THSD7A: variants seen among roughly 807,000 people sequenced by gnomAD.
The protein encoded by THSD7A is thrombospondin type 1 domain containing 7A.
In THSD7A, 96 loss-of-function variants were observed where a neutral mutation model predicts 231.3. The ratio of observed to expected loss-of-function variants is 0.41; its 90% CI spans 0.35 to 0.49. The LOEUF (loss-of-function observed/expected upper bound fraction) is 0.49. THSD7A is among the 20% of genes least tolerant of loss of function. THSD7A has a pLI of 0.05. For synonymous variants in THSD7A, 940 were observed against 743.3 expected (o/e 1.26, Z -4.30); for missense variants, 2,290 against 2,070.2 (o/e 1.11, Z -2.06).
At position 11,814,454 on chromosome 7, in the gene THSD7A, G is replaced by A. The variant is rs1232474901; in HGVS notation, c.190+17303C>T. 6.6e-6 allele frequency among the ~76,000 whole-genome samples: 1 copy of A among 152,090 alleles called. No individual in the cohort carries two copies. Among genetic ancestry groups the A allele is most frequent in the Non-Finnish European group, 1.5e-5 (1 of 68,022 alleles). On this transcript the variant is annotated intron_variant, in intron 1 of 27. Coordinates refer to ENST00000423059, the MANE Select transcript of THSD7A (RefSeq NM_015204.3). This position sits in a 1 kb window ranked among gnomAD's most constrained non-coding sequence, Gnocchi z 5.1. ...CAAAATAATTTAGCTTTTAGACGATGCTATCAGGGTAGAAAATTACCTCAA... is the reference window on the plus strand; with the variant it reads ...CAAAATAATTTAGCTTTTAGACGATACTATCAGGGTAGAAAATTACCTCAA...
intron 1 of THSD7A, among the ~76,000 whole-genome samples, chr7:11,772,425 A>C (rs1783263355): frequency 6.6e-6 from 1 of 152,182 alleles, no homozygotes; most frequent in Non-Finnish European, 1.5e-5. Flanking sequence ...ATGCACCCAT[A>C]TGTTCATCAC....
At chr7:11,508,180 C>T (rs113144705) in intron 6 of THSD7A, among the ~76,000 whole-genome samples, 1 of 152,234 alleles carries the variant, frequency 6.6e-6, no homozygotes, top group Non-Finnish European at 1.5e-5. Flanking sequence ...CTGGAGATTA[C>T]AATTTGGATT....
chr7:11,560,578 A>G (rs1485958747), intron 4 of THSD7A, among the ~76,000 whole-genome samples: 1 of 152,160 alleles, frequency 6.6e-6, no homozygotes, highest in Non-Finnish European at 1.5e-5. Context: ...TTCGCCTTCC[A>G]GATAAGGTTT....
chr7:11,589,571 C>A (rs1780071297), intron 4 of THSD7A, among the ~76,000 whole-genome samples: 1 of 152,170 alleles, frequency 6.6e-6, no homozygotes, highest in Non-Finnish European at 1.5e-5. Flanking sequence ...CTCCTGATGA[C>A]TTTGAGGACT....
chr7:11,385,577 T>C (rs1402525871), intron 23 of THSD7A: 2 of 151,838 alleles, frequency 1.3e-5, no homozygotes, highest in East Asian at 3.8e-4. Flanking sequence ...CATTAAGAGA[T>C]TTTATTAATA....
chr7:11,769,145 A>ATTTTTTTT (rs1333399771), intron 1 of THSD7A, among the ~76,000 whole-genome samples: 3 of 35,998 alleles, frequency 8.3e-5, no homozygotes, highest in African/African-American at 2.6e-4. Context: ...ATATATATAT[A>ATTTTTTTT]TATATATATT....
In THSD7A at chr7:11,543,089, G is replaced by A; in HGVS notation, c.1482C>T (p.Cys494=). 1 of 1,612,562 alleles carries A rather than the reference G, an allele frequency of 6.2e-7. No individual in the cohort carries two copies. ...EASKPMDLKL[C]TGPIPNTTQL... is the part of the protein sequence containing the mutation. ...GTGTAGTATTAGGGATAGGTCCAGT[G>A]CATAATTTTAAGTCCATTGGCTTTG... is the stretch of plus-strand genomic sequence containing the variant. The change falls in exon 5 of 28, where the codon TGC becomes TGT. Residue 494 remains cysteine (C), a synonymous_variant. Coordinates refer to ENST00000423059, the MANE Select transcript of THSD7A (RefSeq NM_015204.3).
chr7:11,548,131 AAG>A (rs2128325126), intron 4 of THSD7A, among the ~76,000 whole-genome samples: 1 of 152,280 alleles, frequency 6.6e-6, no homozygotes, highest in Admixed American at 6.5e-5. Flanking sequence ...ATAAAGAAAA[AAG>A]AGAGAAGATC....
chr7:11,744,029 C>T (rs767898185), intron 1 of THSD7A, among the ~76,000 whole-genome samples: 1 of 151,878 alleles, frequency 6.6e-6, no homozygotes, highest in African/African-American at 2.4e-5. Context: ...CTTCTGATGC[C>T]ATATAGCAAT....
chr7:11,769,853 A>G (rs766490365), intron 1 of THSD7A, among the ~76,000 whole-genome samples: 11 of 152,182 alleles, frequency 7.2e-5, no homozygotes, highest in Non-Finnish European at 1.2e-4. Context: ...ATTACTTGCA[A>G]TATCTATAGC....
chr7:11,605,010 G>A (rs1780686770), intron 2 of THSD7A, among the ~76,000 whole-genome samples: 1 of 151,804 alleles, frequency 6.6e-6, no homozygotes, highest in Non-Finnish European at 1.5e-5. Context: ...GACCTCGGTG[G>A]GACCATGAGG....
At chr7:11,599,920 A>T (rs1319533559) in intron 2 of THSD7A, among the ~76,000 whole-genome samples, 1 of 152,094 alleles carries the variant, frequency 6.6e-6, no homozygotes, top group African/African-American at 2.4e-5. Flanking sequence ...AATATAAAGC[A>T]GTCAGAAAAA....
intron 1 of THSD7A, among the ~76,000 whole-genome samples, chr7:11,815,828 C>T (rs752526650): frequency 2.9e-4 from 44 of 152,200 alleles, no homozygotes; most frequent in Non-Finnish European, 4.6e-4. Flanking sequence ...ACTGTGTCAT[C>T]CATCCATTCC....
chr7:11,672,572 A>G (rs1296457883), intron 1 of THSD7A, among the ~76,000 whole-genome samples: 1 of 152,160 alleles, frequency 6.6e-6, no homozygotes, highest in Non-Finnish European at 1.5e-5. Context: ...AAGCACATAA[A>G]TGTCACATCT....
At chr7:11,821,410 C>A in intron 1 of THSD7A, 1 of 307,310 alleles carries the variant, frequency 3.3e-6, no homozygotes, top group Non-Finnish European at 6.1e-6. Flanking sequence ...CTTTTTTTTT[C>A]TTTTATTTTT....
chr7:11,598,814 A>T (rs1780454408), intron 2 of THSD7A, among the ~76,000 whole-genome samples: 2 of 152,132 alleles, frequency 1.3e-5, no homozygotes, highest in East Asian at 3.9e-4. Context: ...TTCCTGCAAC[A>T]TTACGTTCTG....
intron 1 of THSD7A, among the ~76,000 whole-genome samples, chr7:11,801,273 T>C (rs1784268074): frequency 6.6e-6 from 1 of 152,218 alleles, no homozygotes; most frequent in Non-Finnish European, 1.5e-5. Flanking sequence ...TACTGCCTCA[T>C]AATTTCCTTC....
chr7:11,714,734 C>A (rs1398431134), intron 1 of THSD7A, among the ~76,000 whole-genome samples: 1 of 151,300 alleles, frequency 6.6e-6, no homozygotes, highest in African/African-American at 2.4e-5. Flanking sequence ...AAGCATTTGA[C>A]TAAATTTTCC....
intron 4 of THSD7A, among the ~76,000 whole-genome samples, chr7:11,554,260 T>G (rs759351528): frequency 2.1e-4 from 32 of 151,954 alleles, no homozygotes; most frequent in Non-Finnish European, 3.5e-4. Context: ...CTAAATCCAA[T>G]GGGTGGTGTC....
Sources: allele counts gnomAD v4.1 joint callset (sites outside exome capture counted in the v4.1 genomes callset), GRCh38; gene constraint gnomAD v4.1.1; non-coding constraint Gnocchi (gnomAD v3.1); transcripts MANE v1.5; gene names NCBI Gene and HGNC (gene_info 2026-07-23, HGNC 2026-07-21).